Variants in MPPED1 observed in about 807,000 individuals in gnomAD.
MPPED1 encodes metallophosphoesterase domain containing 1.
Under a neutral mutation model 36.2 loss-of-function variants are expected in MPPED1, and 16 were observed. The ratio of observed to expected loss-of-function variants is 0.44; its 90% CI spans 0.30 to 0.67. MPPED1 has a LOEUF of 0.67. Ranked by LOEUF, MPPED1 falls within the 30% of genes least tolerant of loss-of-function variation. The probability of loss-of-function intolerance (pLI) is 0.10; values close to 1 mark genes in which losing one functional copy is unlikely to be tolerated. For synonymous variants in MPPED1, 199 were observed against 191.3 expected (o/e 1.04, Z -0.33); for missense variants, 307 against 453.4 (o/e 0.68, Z 2.93).
chr22:43,500,473 C>T (rs142353956), intron 5 of MPPED1, among the ~76,000 whole-genome samples: 2,912 of 146,612 alleles, frequency 0.02, 121 homozygotes, highest in African/African-American at 0.069. Context: ...GTGGTGGAGG[C>T]GAAGGTCTTG....
At chr22:43,426,859 G>C (rs1929494478) in intron 2 of MPPED1, among the ~76,000 whole-genome samples, 1 of 152,212 alleles carries the variant, frequency 6.6e-6, no homozygotes, top group Admixed American at 6.5e-5. Context: ...CTGGTTTTCT[G>C]TTTTTGGAGC....
intron 3 of MPPED1, among the ~76,000 whole-genome samples, chr22:43,470,626 G>C (rs1170645002): frequency 6.6e-6 from 1 of 152,208 alleles, no homozygotes; most frequent in Non-Finnish European, 1.5e-5. Context: ...GGGGTAGCAT[G>C]ATGGTGCAGA....
At chr22:43,471,779 CAG>C (rs1450554579) in intron 3 of MPPED1, among the ~76,000 whole-genome samples, 2 of 152,216 alleles carry the variant, frequency 1.3e-5, no homozygotes, top group Non-Finnish European at 2.9e-5. Context: ...CTGCTAGGGA[CAG>C]AGCTGGGGGA....
At chr22:43,499,574 A>G (rs982453531) in intron 5 of MPPED1, among the ~76,000 whole-genome samples, 202 of 10,166 alleles carry the variant, frequency 0.02, no homozygotes, top group Middle Eastern at 0.2. Flanking sequence ...TGGTGGTGGT[A>G]GTGGAGGTGG....
At chr22:43,497,935 G>GTATGTATATATATATATA (rs1932480800) in intron 4 of MPPED1, among the ~76,000 whole-genome samples, 29 of 128,380 alleles carry the variant, frequency 2.3e-4, no homozygotes, top group Admixed American at 1.5e-3. Flanking sequence ...ATATGTATAT[G>GTATGTATATATATATATA]TATATATATA....
intron 3 of MPPED1, among the ~76,000 whole-genome samples, chr22:43,453,329 C>A (rs1304765551): frequency 7.4e-6 from 1 of 134,330 alleles, no homozygotes; most frequent in East Asian, 3.3e-4. Flanking sequence ...GCACCACCCC[C>A]CCTGCCCCTT....
At chr22:43,489,646 G>A (rs1353499336) in intron 4 of MPPED1, among the ~76,000 whole-genome samples, 1 of 152,102 alleles carries the variant, frequency 6.6e-6, no homozygotes, top group Non-Finnish European at 1.5e-5. Flanking sequence ...AGCCTCCTGA[G>A]TAGCTGGGAT....
rs1321223789 is a variant in MPPED1 at position 43,500,140 on chromosome 22, A to T, written c.748+1790A>T. Among the ~76,000 whole-genome samples, 24 of 32,076 alleles carry T rather than the reference A, an allele frequency of 7.5e-4. 2 individuals carry two copies. Among genetic ancestry groups the T allele is most frequent in the Admixed American group, 1.3e-3 (4 of 3,012 alleles). 21.0% of individuals were successfully genotyped at this position (32,076 alleles called of 152,430 possible). On this transcript the variant is annotated intron_variant, in intron 5 of 6. Coordinates refer to ENST00000443721, the MANE Select transcript of MPPED1 (RefSeq NM_001044370.2). ...AAGGTGGTGATGGAGGTGGTAATGG[A>T]GGTGGTGGGGGTGGTGGTGGTGATG...
intron 3 of MPPED1, among the ~76,000 whole-genome samples, chr22:43,450,913 A>G (rs1311648907): frequency 1.3e-5 from 2 of 151,016 alleles, no homozygotes; most frequent in Non-Finnish European, 2.9e-5. Flanking sequence ...TTTAGTAGAG[A>G]TGGGGTTTCT....
intron 2 of MPPED1, among the ~76,000 whole-genome samples, 159 bp from the exon 3 acceptor site, chr22:43,434,875 G>T (rs989163444): frequency 3.3e-5 from 5 of 152,228 alleles, no homozygotes; most frequent in Admixed American, 6.5e-5. Context: ...ATTCGGGCCG[G>T]GGTGGACCCC....
rs1438011083 is a variant in MPPED1, at chr22:43,412,666, C to CA, written c.-79+508_-79+509insA. On this transcript the variant is annotated intron_variant, in intron 1 of 6. Transcript: ENST00000443721. The stretch of plus-strand genomic sequence containing the variant: ...TTTCCTTCCATCCATTCATCCCTCC[C>CA]TCCCATCCATCCATCCATCCATCCA... 4.7e-5 allele frequency among the ~76,000 whole-genome samples: 6 copies of CA among 126,772 alleles called. No homozygotes were observed. The East Asian group carries it at 7.0e-4, about 15-fold the overall frequency. The allele number at this position is 126,772 out of a possible 152,430, so 83.2% of individuals were successfully genotyped here. A position where few individuals can be genotyped will look rare whatever the true frequency, so the allele number is the denominator to read the frequency against.
chr22:43,432,530 T>G (rs117522641), intron 2 of MPPED1, among the ~76,000 whole-genome samples: 4,310 of 25,580 alleles, frequency 0.17, 12 homozygotes, highest in Admixed American at 0.18. Flanking sequence ...AGGAGAGAGA[T>G]AAAGGGAGGA....
chr22:43,463,824 TTTC>T lies in MPPED1; in HGVS notation c.407-10909_407-10907del, dbSNP rs1931050551. On this transcript the variant is annotated intron_variant, in intron 3 of 6. Transcript: ENST00000443721. ...ATTTTTTCTTTTCTTTCTTTCTTTC[TTTC>T]TTTCTTTCTTTCTTTCTTTCTTTCT... Among the ~76,000 whole-genome samples the T allele has an allele frequency of 2.2e-4, 23 of 104,570 alleles. 1 individual carries two copies. The highest frequency in any genetic ancestry group is 1.3e-3 in the East Asian group (5 of 3,996). The allele number at this position is 104,570 out of a possible 152,430, so 68.6% of individuals were successfully genotyped here.
intron 2 of MPPED1, among the ~76,000 whole-genome samples, chr22:43,432,461 A>AGAGGAGAGAGAGAGAAAGG (rs1929740648): frequency 8.8e-6 from 1 of 113,540 alleles, no homozygotes; most frequent in African/African-American, 3.5e-5. Flanking sequence ...AGAGATAAAG[A>AGAGGAGAGAGAGAGAAAGG]GAGGAGAGAG....
intron 5 of MPPED1, among the ~76,000 whole-genome samples, chr22:43,499,399 A>G (rs1401652972): frequency 2.9e-5 from 2 of 69,634 alleles, no homozygotes; most frequent in African/African-American, 5.9e-5. Flanking sequence ...GATGGATGTG[A>G]TGGTGGTGGT....
chr22:43,431,444 C>T (rs1206217932), intron 2 of MPPED1, among the ~76,000 whole-genome samples: 1 of 152,140 alleles, frequency 6.6e-6, no homozygotes, highest in Non-Finnish European at 1.5e-5. Context: ...GTCCCACCCA[C>T]AGATGTATCC....
chr22:43,478,233 G>C (rs115503418), intron 4 of MPPED1, among the ~76,000 whole-genome samples: 1,789 of 152,288 alleles, frequency 0.012, 43 homozygotes, highest in African/African-American at 0.041. Context: ...TCCGTTCTCA[G>C]AACAGCCTTT....
At chr22:43,488,722 G>T (rs898661833) in intron 4 of MPPED1, among the ~76,000 whole-genome samples, 1 of 152,244 alleles carries the variant, frequency 6.6e-6, no homozygotes. Flanking sequence ...TGGTTGTCAT[G>T]GCAACTATCA....
At position 43,487,445 on chromosome 22, in the gene MPPED1, G is replaced by T. The variant is rs142745845; in HGVS notation, c.633-10790G>T. Among the ~76,000 whole-genome samples, 144 of 152,364 alleles carry T rather than the reference G, an allele frequency of 9.5e-4. 1 individual carries two copies. The highest frequency in any genetic ancestry group is 3.2e-3 in the African/African-American group (134 of 41,590). On this transcript the variant is annotated intron_variant, in intron 4 of 6. Transcript: ENST00000443721. ...CAGAATGACCTGGAAGGTGGGCAGG[G>T]CAGATCCTAAAGCCCCGTGTGCCAC...
Sources: gnomAD v4.1 joint callset for allele counts (sites outside exome capture counted in the v4.1 genomes callset) on GRCh38, gnomAD v4.1.1 for gene constraint, MANE v1.5 for transcripts, NCBI Gene and HGNC (gene_info 2026-07-23, HGNC 2026-07-21) for gene names.